Variants in PRR5 observed in about 807,000 individuals in gnomAD.
PRR5 encodes the protein proline-rich protein 5.
A neutral mutation model predicts 30.6 loss-of-function variants in PRR5; 25 were observed. That is an observed-to-expected ratio of 0.82 (90% confidence interval 0.60 to 1.14). The LOEUF (loss-of-function observed/expected upper bound fraction) is 1.14, where lower values mean the gene tolerates loss of function less well. Ranked by LOEUF, PRR5 falls within the 50% of genes most tolerant of loss-of-function variation. The probability of loss-of-function intolerance (pLI) is 0.00; values close to 1 mark genes in which losing one functional copy is unlikely to be tolerated. For synonymous variants in PRR5, 286 were observed against 247.1 expected (o/e 1.16, Z -1.48); for missense variants, 600 against 547.1 (o/e 1.10, Z -0.96).
intron 1 of PRR5, among the ~76,000 whole-genome samples, chr22:44,712,555 T>C (rs1928420687): frequency 6.6e-6 from 1 of 152,192 alleles, no homozygotes; most frequent in Non-Finnish European, 1.5e-5. Flanking sequence ...CCCAAGATGC[T>C]GGCCGCTCTG....
chr22:44,685,938 G>A (rs1412742585), intron 1 of PRR5, among the ~76,000 whole-genome samples: 1 of 152,224 alleles, frequency 6.6e-6, no homozygotes, highest in Admixed American at 6.5e-5. Flanking sequence ...GGGGAGCACC[G>A]TGATGATGCC....
At chr22:44,728,563 A>G (rs112119342) in intron 4 of PRR5, among the ~76,000 whole-genome samples, 4 of 152,350 alleles carry the variant, frequency 2.6e-5, no homozygotes, top group African/African-American at 7.2e-5. Flanking sequence ...AGAGGGCTGC[A>G]TGGAGGCAGT....
intron 1 of PRR5, among the ~76,000 whole-genome samples, chr22:44,706,702 A>G (rs1214023627): frequency 6.7e-6 from 1 of 149,406 alleles, no homozygotes; most frequent in Admixed American, 6.7e-5. Context: ...TTTTTTTTGT[A>G]TTTTTGGTGG....
chr22:44,736,007 T>TCG, intron 7 of PRR5, among the ~76,000 whole-genome samples: 1 of 152,112 alleles, frequency 6.6e-6, no homozygotes, highest in Non-Finnish European at 1.5e-5. Context: ...CCTGAGCCGC[T>TCG]CGTGTGTGTC....
chr22:44,670,306 G>C (rs1307662232), intron 1 of PRR5, among the ~76,000 whole-genome samples: 1 of 152,180 alleles, frequency 6.6e-6, no homozygotes, highest in Non-Finnish European at 1.5e-5. Context: ...CTGCCAAACA[G>C]TCTGGGATTC....
upstream of PRR5, among the ~76,000 whole-genome samples, chr22:44,697,367 C>A (rs1925852266): frequency 2.0e-5 from 3 of 152,278 alleles, no homozygotes; most frequent in South Asian, 2.1e-4. Context: ...TTTTCTGTGC[C>A]CTCACAGGGC....
intron 4 of PRR5, chr22:44,729,448 C>T (rs1921506691): frequency 2.0e-6 from 2 of 985,456 alleles, no homozygotes; most frequent in African/African-American, 3.5e-5. Flanking sequence ...GCATCAGCCC[C>T]TGCTACTGCC....
intron 4 of PRR5, chr22:44,729,298 GGTT>G (rs1014976458): frequency 2.1e-6 from 2 of 961,732 alleles, no homozygotes; most frequent in Non-Finnish European, 2.5e-6. Context: ...GCTGAAACAG[GGTT>G]GTTGGTTTGC....
In PRR5 at chr22:44,726,167, G is replaced by A. The variant is rs142477271; in HGVS notation, c.265-410G>A. 2.5e-4 allele frequency among the ~76,000 whole-genome samples: 38 copies of A among 152,322 alleles called. No homozygotes were observed. In the South Asian group the frequency reaches 6.2e-3, roughly 25 times the overall value. On this transcript the variant is annotated intron_variant, in intron 3 of 7. Transcript: ENST00000336985. The stretch of plus-strand genomic sequence containing the variant: ...ACCACACAGCGTGGTTCTTGGCCGA[G>A]CCACCCCAGGCAGTGCGTCCAGGGT...
At chr22:44,713,509 A>C (rs1460394410) in intron 1 of PRR5, among the ~76,000 whole-genome samples, 1 of 152,218 alleles carries the variant, frequency 6.6e-6, no homozygotes, top group African/African-American at 2.4e-5. Context: ...CTGGGATTAC[A>C]GGAGTGAGCC....
intron 1 of PRR5, among the ~76,000 whole-genome samples, chr22:44,690,289 G>A (rs932355975): frequency 1.3e-5 from 2 of 152,128 alleles, no homozygotes; most frequent in Non-Finnish European, 2.9e-5. Context: ...GTGCCTGAAC[G>A]TTGACCTGAG....
intron 3 of PRR5, among the ~76,000 whole-genome samples, chr22:44,725,929 T>G (rs1361318375): frequency 1.3e-5 from 2 of 152,146 alleles, no homozygotes; most frequent in African/African-American, 4.8e-5. Context: ...CCTCCCAAAG[T>G]GCTGGGATTA....
Position 44,736,744 on chromosome 22 carries a change from G to A in PRR5, c.692-28G>A, listed in dbSNP as rs772648806. 3.9e-6 allele frequency: 6 copies of A among 1,526,106 alleles called. No homozygotes were observed. The African/African-American group carries it at 8.3e-5, about 21-fold the overall frequency. The allele number at this position is 1,526,106 out of a possible 1,614,324, so 94.5% of individuals were successfully genotyped here. The stretch of plus-strand genomic sequence containing the variant: ...CGGGCGGGGACCCAGGTGGCCTCTG[G>A]TGTGACAGTGCCCGTGTCTCTCCCC... On this transcript the variant is annotated intron_variant, in intron 7 of 7. Coordinates refer to ENST00000336985, the MANE Select transcript of PRR5 (RefSeq NM_181333.4).
chr22:44,726,504 CG>C, intron 3 of PRR5, 72 bp from the exon 4 acceptor site: 1 of 1,606,788 alleles, frequency 6.2e-7, no homozygotes. Flanking sequence ...GATGGACTCT[CG>C]GGGGCCCTGC....
chr22:44,705,172 C>G (rs1926984771), intron 1 of PRR5, among the ~76,000 whole-genome samples: 1 of 152,188 alleles, frequency 6.6e-6, no homozygotes, highest in African/African-American at 2.4e-5. Context: ...GAGCCAGAAG[C>G]TTGAAGTCCA....
In PRR5 at chr22:44,735,011, C is replaced by T. The variant is rs1172616013; in HGVS notation, c.556-16C>T. 2 of 1,609,472 alleles carry T rather than the reference C, an allele frequency of 1.2e-6. No individual in the cohort carries two copies. Among genetic ancestry groups the T allele is most frequent in the East Asian group, 2.2e-5 (1 of 44,822 alleles). On this transcript the variant is annotated splice_polypyrimidine_tract_variant and intron_variant, in intron 6 of 7. Coordinates refer to ENST00000336985, the MANE Select transcript of PRR5 (RefSeq NM_181333.4). Reference sequence around the variant, plus strand: ...CGGGTGCATGACCCCCTACCCCCTGCCCCACTCTCCTGCAGGGGGTACATG... The same window carrying T: ...CGGGTGCATGACCCCCTACCCCCTGTCCCACTCTCCTGCAGGGGGTACATG...
upstream of PRR5, among the ~76,000 whole-genome samples, chr22:44,697,495 C>A (rs2146986473): frequency 6.6e-6 from 1 of 152,370 alleles, no homozygotes; most frequent in Middle Eastern, 3.4e-3. Flanking sequence ...CGTTGCCAGG[C>A]CTCTTCCAGG....
intron 6 of PRR5, among the ~76,000 whole-genome samples, chr22:44,732,923 CGCACGCACATACTACACACGTGT>C (rs1454660904): frequency 6.9e-6 from 1 of 144,458 alleles, no homozygotes; most frequent in Admixed American, 7.0e-5. Flanking sequence ...TACACACGTG[CGCACGCACATACTACACACGTGT>C]GCACACATAC....
chr22:44,702,663 C>T (rs1926521216), intron 1 of PRR5, 55 bp downstream of exon 1: 15 of 1,251,756 alleles, frequency 1.2e-5, no homozygotes, highest in African/African-American at 3.1e-5. Context: ...GGAGGGGACC[C>T]CTGAGCCGTC....
Sources: gnomAD v4.1 joint callset for allele counts (sites outside exome capture counted in the v4.1 genomes callset) on GRCh38, gnomAD v4.1.1 for gene constraint, MANE v1.5 for transcripts, NCBI Gene and HGNC (gene_info 2026-07-23, HGNC 2026-07-21) for gene names.